LLGL1: variants seen among roughly 807,000 people sequenced by gnomAD.
The protein encoded by LLGL1 is lethal(2) giant larvae protein homolog 1.
Under a neutral mutation model 110.6 loss-of-function variants are expected in LLGL1, and 58 were observed. That is an observed-to-expected ratio of 0.52 (90% CI 0.42 to 0.65). LLGL1 has a LOEUF of 0.65. Ranked by LOEUF, LLGL1 falls within the 30% of genes least tolerant of loss-of-function variation. LLGL1 has a pLI of 0.00. For synonymous variants in LLGL1, 674 were observed against 607.2 expected (o/e 1.11, Z -1.62); for missense variants, 1,229 against 1,462.1 (o/e 0.84, Z 2.60).
chr17:18,235,704 T>G (rs1356606496), intron 11 of LLGL1, 167 bp downstream of exon 11: 2 of 641,712 alleles, frequency 3.1e-6, no homozygotes, highest in African/African-American at 3.7e-5. Flanking sequence ...CCCTGGACCT[T>G]GGTTCAAGGT....
At chr17:18,230,271 A>G (rs747272467) in intron 2 of LLGL1, among the ~76,000 whole-genome samples, 1 of 152,180 alleles carries the variant, frequency 6.6e-6, no homozygotes, top group Admixed American at 6.5e-5. Context: ...GTCAGTTTGC[A>G]GTAGCACAGC....
intron 1 of LLGL1, among the ~76,000 whole-genome samples, chr17:18,227,982 C>CA (rs1394435957): frequency 6.6e-6 from 1 of 152,100 alleles, no homozygotes; most frequent in Non-Finnish European, 1.5e-5. Context: ...GTCTTGGGTT[C>CA]AAATCCCAGT....
In LLGL1 at chr17:18,236,828, C is replaced by T. The variant is rs1228502092; in HGVS notation, c.1507-7C>T. 1.9e-6 allele frequency: 3 copies of T among 1,613,400 alleles called. No homozygotes were observed. The highest frequency in any genetic ancestry group is 2.7e-5 in the African/African-American group (2 of 74,880). On this transcript the variant is annotated splice_region_variant and splice_polypyrimidine_tract_variant and intron_variant, in intron 12 of 22. Transcript: ENST00000316843. ...CCTGGACTCATTACTCCTTCCCATC[C>T]CTCTAGGTGGGCTGCTTCGATCCCT...
At chr17:18,242,070 C>A in intron 19 of LLGL1, 71 bp downstream of exon 19, 1 of 1,536,554 alleles carries the variant, frequency 6.5e-7, no homozygotes, top group South Asian at 1.1e-5. Context: ...CCCCCGAGAT[C>A]TGCCTTCCCT....
chr17:18,234,511 G>A, intron 7 of LLGL1, 103 bp downstream of exon 7: 1 of 1,578,512 alleles, frequency 6.3e-7, no homozygotes, highest in Non-Finnish European at 8.6e-7. Context: ...GGGTGGTCTG[G>A]GGGCAGTGTG....
intron 11 of LLGL1, chr17:18,236,044 G>A (rs1040629327): frequency 5.4e-6 from 1 of 184,696 alleles, no homozygotes; most frequent in South Asian, 1.1e-4. Flanking sequence ...CACCTCTCAC[G>A]CCCTGGCTCT....
chr17:18,242,183 C>T lies in LLGL1; in HGVS notation c.2900C>T (p.Ser967Leu). ...CTCTGCAGTTACAGGATCCGAGAGT[C>T]ACCCAAGCTGAGCCAGGCTAACGGG... ...ATQASYRIRE[S>L]PKLSQANGTP... Residue 967 changes from serine (S) to leucine (L), a missense_variant, in exon 20 of 23, where the codon TCA becomes TTA. By Grantham distance (145) the Ser-to-Leu change is moderately radical (BLOSUM62 -2). Transcript: ENST00000316843. The T allele has an allele frequency of 1.9e-6, 3 of 1,613,972 alleles. No individual in the cohort carries two copies. The highest frequency in any genetic ancestry group is 2.2e-5 in the South Asian group (2 of 91,078).
chr17:18,236,896 G>GC lies in LLGL1; in HGVS notation c.1569dup (p.Lys524GlnfsTer21). 1 of 1,613,820 alleles carries GC rather than the reference G, an allele frequency of 6.2e-7. No homozygotes were observed. The highest frequency in any genetic ancestry group is 1.7e-5 in the Admixed American group (1 of 60,008). ...CTTGGCGTGCAGAAGGTTGCTCTCT[G>GC]CAAGTATACAGCCCAGATGGTGGTG... On this transcript the variant is annotated frameshift_variant, in exon 13 of 23. Coordinates refer to ENST00000316843, the MANE Select transcript of LLGL1 (RefSeq NM_004140.4).
Position 18,235,281 on chromosome 17 carries a change from A to G in LLGL1, c.1253A>G (p.Gln418Arg), listed in dbSNP as rs373996132. The change falls in exon 10 of 23, where the codon CAG (glutamine) becomes CGG (arginine). Residue 418 changes from glutamine (Q) to arginine (R), a missense_variant. Gln to Arg is a conservative substitution (Grantham distance 43, BLOSUM62 1). Coordinates refer to ENST00000316843, the MANE Select transcript of LLGL1 (RefSeq NM_004140.4). ...GCCCGCATTGTGAGCGCTGGCGAGC[A>G]GCAGAGCCCCCAGCCTGTCTCCAGT... Reference protein sequence around the residue: ...LWARIVSAGEQQSPQPVSSAL... With the variant: ...LWARIVSAGERQSPQPVSSAL... The G allele has an allele frequency of 1.9e-6, 3 of 1,610,572 alleles. No homozygotes were observed. The highest frequency in any genetic ancestry group is 2.5e-6 in the Non-Finnish European group (3 of 1,179,976).
In LLGL1 at chr17:18,238,112, C is replaced by T. The variant is rs1462204758; in HGVS notation, c.1950C>T (p.Leu650=). The change falls in exon 15 of 23, where the codon CTC becomes CTT. Residue 650 remains leucine (L), a synonymous_variant. Transcript: ENST00000316843. ...PNDSLAMEGP[L]SRVKSLKKSL... ...ACTCCCTGGCCATGGAGGGTCCGCT[C>T]TCCCGGGTGAAGTCTCTCAAGAAGT... 3 of 1,613,796 alleles carry T rather than the reference C, an allele frequency of 1.9e-6. No homozygotes were observed. Among genetic ancestry groups the T allele is most frequent in the African/African-American group, 1.3e-5 (1 of 74,948 alleles).
intron 12 of LLGL1, 23 bp from the exon 13 acceptor site, chr17:18,236,812 A>G (rs1485530062): frequency 6.2e-7 from 1 of 1,612,904 alleles, no homozygotes. Context: ...GCCTGGACTC[A>G]TTACTCCTTC....
Position 18,235,294 on chromosome 17 carries a change from G to T in LLGL1, c.1266G>T (p.Gln422His). Residue 422 changes from glutamine to histidine, a missense_variant, in exon 10 of 23, where the codon CAG becomes CAT. Gln to His is a conservative substitution (Grantham distance 24). Transcript: ENST00000316843. Reference protein sequence around the residue: ...IVSAGEQQSPQPVSSALSWPI... With the variant: ...IVSAGEQQSPHPVSSALSWPI... ...GCGCTGGCGAGCAGCAGAGCCCCCA[G>T]CCTGTCTCCAGTGCCTTGGTGTGTG... is the stretch of plus-strand genomic sequence containing the variant. The T allele has an allele frequency of 6.2e-7, 1 of 1,610,498 alleles. No homozygotes were observed. Among genetic ancestry groups the T allele is most frequent in the Non-Finnish European group, 8.5e-7 (1 of 1,179,938 alleles).
At chr17:18,231,574 TC>T (rs1463894257) in intron 2 of LLGL1, among the ~76,000 whole-genome samples, 2 of 152,218 alleles carry the variant, frequency 1.3e-5, no homozygotes, top group Admixed American at 1.3e-4. Flanking sequence ...TGTGTGCTCA[TC>T]TGTGAAATGG....
chr17:18,240,597 C>G lies in LLGL1; in HGVS notation c.2226C>G (p.Thr742=). The G allele has an allele frequency of 6.2e-7, 1 of 1,600,372 alleles. No homozygotes were observed. The part of the protein sequence containing the change: ...FLRDGAHHGP[T]MWAGTNSGSV... ...CTGCAGGGGCCCACCACGGGCCCACCATGTGGGCTGGCACCAACTCAGGCT... is the reference window on the plus strand; with the variant it reads ...CTGCAGGGGCCCACCACGGGCCCACGATGTGGGCTGGCACCAACTCAGGCT... Residue 742 remains threonine, a synonymous_variant, in exon 17 of 23, where the codon ACC becomes ACG. Transcript: ENST00000316843. This position sits in a 1 kb window ranked among gnomAD's most constrained non-coding sequence, Gnocchi z 5.3.
rs749627684 is a variant in LLGL1, at chr17:18,234,067, G to A, written c.606G>A (p.Gln202=). 9.9e-6 allele frequency: 16 copies of A among 1,610,314 alleles called. No individual in the cohort carries two copies. The highest frequency in any genetic ancestry group is 1.3e-5 in the Non-Finnish European group (15 of 1,177,968). ...GKALGPVESL[Q]GHLRDPTKIL... The stretch of plus-strand genomic sequence containing the variant: ...CACTGGGCCCCGTGGAGTCACTCCA[G>A]GGACACCTGCGGGACCCCACAAAGA... Residue 202 remains glutamine, a synonymous_variant, in exon 6 of 23, where the codon CAG becomes CAA. Transcript: ENST00000316843.
At chr17:18,234,449 A>G (rs899203205) in intron 7 of LLGL1, 41 bp downstream of exon 7, 2 of 1,602,980 alleles carry the variant, frequency 1.2e-6, no homozygotes, top group Non-Finnish European at 8.5e-7. Flanking sequence ...TGGTGATGGG[A>G]GGGGGCACCA....
Position 18,234,128 on chromosome 17 carries a change from T to C in LLGL1, c.667T>C (p.Trp223Arg). Residue 223 changes from tryptophan to arginine, a missense_variant, in exon 6 of 23, where the codon TGG becomes CGG. Coordinates refer to ENST00000316843, the MANE Select transcript of LLGL1 (RefSeq NM_004140.4). Reference sequence around the variant, plus strand: ...CTACAGCCGGGGCCTGCTGGTCATCTGGAACCAGGCCTCGCAGTGTGTGGA... The same window carrying C: ...CTACAGCCGGGGCCTGCTGGTCATCCGGAACCAGGCCTCGCAGTGTGTGGA... ...IGYSRGLLVI[W>R]NQASQCVDHI... 6.2e-7 allele frequency: 1 copy of C among 1,611,752 alleles called. No individual in the cohort carries two copies. The highest frequency in any genetic ancestry group is 8.5e-7 in the Non-Finnish European group (1 of 1,178,816).
intron 1 of LLGL1, among the ~76,000 whole-genome samples, chr17:18,228,785 G>A (rs1225325806): frequency 6.6e-6 from 1 of 152,070 alleles, no homozygotes; most frequent in East Asian, 1.9e-4. Flanking sequence ...CGCCAACTCT[G>A]TCCTTAGGTG....
In LLGL1 at chr17:18,244,736, A is replaced by AGGGGGGGGGGGGGT. The variant is rs1567700333; in HGVS notation, c.*840_*841insGGGTGGGGGGGGGG. Reference sequence around the variant, plus strand: ...TGTGTGTCCGGCGGGGGGGGGGGGCAGGGGGGGGGGTCAAGATGAGTTTCC... The same window carrying AGGGGGGGGGGGGGT: ...TGTGTGTCCGGCGGGGGGGGGGGGCAGGGGGGGGGGGGGTGGGGGGGGGGTCAAGATGAGTTTCC... On this transcript the variant is annotated 3_prime_UTR_variant, in exon 23 of 23. Transcript: ENST00000316843. The AGGGGGGGGGGGGGT allele has an allele frequency of 9.8e-5, 1 of 10,198 alleles. No homozygotes were observed. Among genetic ancestry groups the AGGGGGGGGGGGGGT allele is most frequent in the African/African-American group, 3.4e-4 (1 of 2,942 alleles). The allele number at this position is 10,198 out of a possible 1,614,324, so 0.6% of individuals were successfully genotyped here.
Sources: gnomAD v4.1 joint callset for allele counts (sites outside exome capture counted in the v4.1 genomes callset) on GRCh38, gnomAD v4.1.1 for gene constraint, Gnocchi (gnomAD v3.1) non-coding constraint, MANE v1.5 for transcripts, NCBI Gene and HGNC (gene_info 2026-07-23, HGNC 2026-07-21) for gene names.